CENPP: variants seen among roughly 807,000 people sequenced by gnomAD.
The protein encoded by CENPP is centromere protein P.
In CENPP, 24 loss-of-function variants were observed where a neutral mutation model predicts 35.6. The ratio of observed to expected loss-of-function variants is 0.67; its 90% CI spans 0.49 to 0.95. CENPP has a LOEUF of 0.95. CENPP is among the 40% of genes least tolerant of loss of function. The probability of loss-of-function intolerance (pLI) is 0.00; values close to 1 mark genes in which losing one functional copy is unlikely to be tolerated. For synonymous variants in CENPP, 120 were observed against 125.5 expected (o/e 0.96, Z 0.29); for missense variants, 332 against 345.3 (o/e 0.96, Z 0.31).
At chr9:92,510,030 A>G in intron 5 of CENPP, 1 of 1,591,038 alleles carries the variant, frequency 6.3e-7, no homozygotes, top group Admixed American at 1.9e-5. Context: ...TAACTTCTTC[A>G]GAAGCTTAAA....
chr9:92,439,466 C>A (rs1053204988), intron 5 of CENPP, among the ~76,000 whole-genome samples: 1 of 152,154 alleles, frequency 6.6e-6, no homozygotes, highest in Non-Finnish European at 1.5e-5. Flanking sequence ...CCCCAGCCCC[C>A]ACTAGCTATA....
intron 5 of CENPP, among the ~76,000 whole-genome samples, chr9:92,580,911 T>A (rs965244396): frequency 1.3e-5 from 2 of 152,104 alleles, no homozygotes; most frequent in African/African-American, 2.4e-5. Context: ...CAATTTTGGA[T>A]CTTTCCTGCT....
intron 5 of CENPP, among the ~76,000 whole-genome samples, chr9:92,548,561 T>C (rs1849522437): frequency 6.6e-6 from 1 of 152,234 alleles, no homozygotes. Context: ...AAACAAGTTA[T>C]ACTGCCTAGA....
chr9:92,618,110 C>T lies in CENPP; in HGVS notation c.*4961C>T, dbSNP rs769932474. On this transcript the variant is annotated 3_prime_UTR_variant, in exon 8 of 8. Coordinates refer to ENST00000375587, the MANE Select transcript of CENPP (RefSeq NM_001012267.3). ...CACAGTTACTGGAACTTCACAGGTG[C>T]GGCCACTGCGCACACCTTCCTGGAA... is the stretch of plus-strand genomic sequence containing the variant. 48 of 392,396 alleles carry T rather than the reference C, an allele frequency of 1.2e-4. No individual in the cohort carries two copies. Among genetic ancestry groups the T allele is most frequent in the Non-Finnish European group, 2.0e-4 (40 of 195,528 alleles). 24.3% of individuals were successfully genotyped at this position (392,396 alleles called of 1,614,324 possible).
chr9:92,600,499 T>TGCAAA (rs1400986974), intron 5 of CENPP: 1 of 1,612,878 alleles, frequency 6.2e-7, no homozygotes. Context: ...TGCAAAGGTC[T>TGCAAA]GGAGATGAGG....
At chr9:92,432,289 C>A (rs1012094728) in intron 5 of CENPP, among the ~76,000 whole-genome samples, 3 of 151,694 alleles carry the variant, frequency 2.0e-5, no homozygotes, top group Non-Finnish European at 4.4e-5. Context: ...GGCGCCATTG[C>A]ACTCCAGCCT....
rs753037112 is a variant in CENPP, at chr9:92,618,490, A to C, written c.*5341A>C. 2.2e-6 allele frequency: 1 copy of C among 456,554 alleles called. No homozygotes were observed. Among genetic ancestry groups the C allele is most frequent in the African/African-American group, 2.0e-5 (1 of 50,048 alleles). 28.3% of individuals were successfully genotyped at this position (456,554 alleles called of 1,614,324 possible). A position where few individuals can be genotyped will look rare whatever the true frequency, so the allele number is the denominator to read the frequency against. On this transcript the variant is annotated 3_prime_UTR_variant, in exon 8 of 8. Coordinates refer to ENST00000375587, the MANE Select transcript of CENPP (RefSeq NM_001012267.3). The stretch of plus-strand genomic sequence containing the variant: ...CACAGCCCACCTAAGGGCACCCTGC[A>C]TCCAAGCACATTTCCATTGCCCAGC...
chr9:92,434,326 T>A (rs1044681011), intron 5 of CENPP, among the ~76,000 whole-genome samples: 1 of 151,520 alleles, frequency 6.6e-6, no homozygotes, highest in African/African-American at 2.4e-5. Flanking sequence ...TAGACCAAGG[T>A]TGCAGTGAGC....
At chr9:92,555,674 T>C (rs982895774) in intron 5 of CENPP, among the ~76,000 whole-genome samples, 1 of 152,192 alleles carries the variant, frequency 6.6e-6, no homozygotes. Context: ...ATTGTATGTG[T>C]GTATAGGTGT....
intron 4 of CENPP, among the ~76,000 whole-genome samples, chr9:92,352,526 T>C (rs1327693202): frequency 3.4e-5 from 4 of 117,336 alleles, no homozygotes; most frequent in African/African-American, 8.3e-5. Context: ...TATATATATA[T>C]ATATATATAT....
intron 5 of CENPP, among the ~76,000 whole-genome samples, chr9:92,586,681 G>A (rs890106712): frequency 2.0e-5 from 3 of 151,836 alleles, no homozygotes; most frequent in African/African-American, 7.3e-5. Flanking sequence ...GAAAGACTGG[G>A]AGAATCATTT....
intron 5 of CENPP, among the ~76,000 whole-genome samples, chr9:92,563,346 A>G (rs1849891017): frequency 1.3e-5 from 2 of 152,192 alleles, no homozygotes; most frequent in Non-Finnish European, 2.9e-5. Context: ...AATGGCAGTT[A>G]CCATCTGTTT....
At chr9:92,549,361 G>A (rs1327516155) in intron 5 of CENPP, among the ~76,000 whole-genome samples, 3 of 152,174 alleles carry the variant, frequency 2.0e-5, no homozygotes, top group Non-Finnish European at 4.4e-5. Context: ...GTGAAAACTA[G>A]ATGAAGCTGG....
At chr9:92,362,447 C>T (rs555199689) in intron 4 of CENPP, among the ~76,000 whole-genome samples, 2 of 152,110 alleles carry the variant, frequency 1.3e-5, no homozygotes, top group South Asian at 4.1e-4. Context: ...CTTATTTTGT[C>T]TTTGATCATC....
At chr9:92,444,137 A>G (rs1046407774) in intron 5 of CENPP, among the ~76,000 whole-genome samples, 1 of 152,206 alleles carries the variant, frequency 6.6e-6, no homozygotes, top group African/African-American at 2.4e-5. Context: ...AGCCAGTCCT[A>G]TATCACTCCG....
rs539312673 is a variant in CENPP, at chr9:92,471,475, G to T, written c.564+91616G>T. 1.5e-4 allele frequency among the ~76,000 whole-genome samples: 23 copies of T among 152,054 alleles called. No homozygotes were observed. In the East Asian group the frequency reaches 4.5e-3, roughly 29 times the overall value. On this transcript the variant is annotated intron_variant, in intron 5 of 7. Coordinates refer to ENST00000375587, the MANE Select transcript of CENPP (RefSeq NM_001012267.3). Reference sequence around the variant, plus strand: ...CTCCCAAAGTGCTGGTATTACAGTCGTGAGCCACCGCACCCAGCCGGGTCT... The same window carrying T: ...CTCCCAAAGTGCTGGTATTACAGTCTTGAGCCACCGCACCCAGCCGGGTCT...
At chr9:92,459,731 A>G (rs768585989) in intron 5 of CENPP, 1 of 1,613,454 alleles carries the variant, frequency 6.2e-7, no homozygotes, top group South Asian at 1.1e-5. Context: ...CAAGACTCCC[A>G]TTTTCGATAT....
intron 5 of CENPP, among the ~76,000 whole-genome samples, chr9:92,446,812 TAA>T (rs34507432): frequency 9.5e-5 from 12 of 126,526 alleles, no homozygotes; most frequent in Admixed American, 1.7e-4. Context: ...CTCTGTCTCT[TAA>T]AAAAAAAAAA....
chr9:92,471,347 C>T (rs1347678448), intron 5 of CENPP, among the ~76,000 whole-genome samples: 1 of 151,912 alleles, frequency 6.6e-6, no homozygotes, highest in African/African-American at 2.4e-5. Context: ...CAGGTGTGTG[C>T]CACCACGCCT....
Sources: allele counts gnomAD v4.1 joint callset (sites outside exome capture counted in the v4.1 genomes callset), GRCh38; gene constraint gnomAD v4.1.1; transcripts MANE v1.5; gene names NCBI Gene and HGNC (gene_info 2026-07-23, HGNC 2026-07-21).